Variants in JAK2 observed in about 807,000 individuals in gnomAD.
The protein encoded by JAK2 is tyrosine-protein kinase JAK2.
JAK2 carries 86 observed loss-of-function variants against 139.3 expected under a neutral mutation model. The observed-to-expected ratio is 0.62, with a 90% CI of 0.52 to 0.74. The LOEUF (loss-of-function observed/expected upper bound fraction) is 0.74. JAK2 is among the 30% of genes least tolerant of loss of function. The pLI, the probability that JAK2 is intolerant of heterozygous loss-of-function variation, is 0.00. For missense variants in JAK2, 1,421 were observed against 1,360.3 expected, an observed-to-expected ratio of 1.04 and a Z score of -0.70; for synonymous variants, 490 against 437.7, an observed-to-expected ratio of 1.12 and a Z score of -1.49.
Position 4,985,452 on chromosome 9 carries a change from T to G in JAK2, c.-287T>G, listed in dbSNP as rs1819891869. The G allele has an allele frequency of 1.3e-5, 2 of 152,446 alleles. No individual in the cohort carries two copies. The highest frequency in any genetic ancestry group is 4.8e-5 in the African/African-American group (2 of 41,452). 9.4% of individuals were successfully genotyped at this position (152,446 alleles called of 1,614,324 possible). A position where few individuals can be genotyped will look rare whatever the true frequency, so the allele number is the denominator to read the frequency against. ...TGCTGCGGCGCAGGGAGAGGCCTGG[T>G]CCTCGCTGCCGAGGGATGTGAGTGG... On this transcript the variant is annotated 5_prime_UTR_variant, in exon 1 of 25. Transcript: ENST00000381652.
At chr9:5,071,945 T>C (rs1818976347) in intron 12 of JAK2, among the ~76,000 whole-genome samples, 1 of 152,218 alleles carries the variant, frequency 6.6e-6, no homozygotes, top group African/African-American at 2.4e-5. Context: ...ACATTTACTA[T>C]GTGTCATGGA....
In JAK2 at chr9:5,070,550, T is replaced by A. The variant is rs112008532; in HGVS notation, c.1641+498T>A. Among the ~76,000 whole-genome samples the A allele has an allele frequency of 2.1e-3, 324 of 152,202 alleles. 2 individuals carry two copies. The highest frequency in any genetic ancestry group is 7.2e-3 in the African/African-American group (299 of 41,554). ...GGTTTTGCATCCTATGAACACTGTA[T>A]TTCTTTTTTTAAATAACTAATTATT... is the stretch of plus-strand genomic sequence containing the variant. On this transcript the variant is annotated intron_variant, in intron 12 of 24. Transcript: ENST00000381652.
intron 2 of JAK2, among the ~76,000 whole-genome samples, chr9:4,990,863 A>G (rs746196660): frequency 3.5e-4 from 53 of 152,202 alleles, no homozygotes; most frequent in Non-Finnish European, 4.9e-4. Context: ...TTGGGTGATC[A>G]GTGGAGACTT....
At position 5,066,739 on chromosome 9, in the gene JAK2, C is replaced by A; in HGVS notation, c.1276C>A (p.Arg426=). Residue 426 remains arginine (R), a synonymous_variant, in exon 10 of 25, where the codon CGA becomes AGA. Transcript: ENST00000381652. ...AGNQTGLYVL[R]CSPKDFNKYF... ...TAATCAGACTGGACTGTATGTACTTCGATGCAGTCCTAAGGACTTTAATAA... is the reference window on the plus strand; with the variant it reads ...TAATCAGACTGGACTGTATGTACTTAGATGCAGTCCTAAGGACTTTAATAA... The A allele has an allele frequency of 1.2e-6, 2 of 1,604,832 alleles. No homozygotes were observed. The highest frequency in any genetic ancestry group is 1.7e-6 in the Non-Finnish European group (2 of 1,175,736).
At chr9:5,045,349 C>T (rs1401978455) in intron 5 of JAK2, among the ~76,000 whole-genome samples, 1 of 151,986 alleles carries the variant, frequency 6.6e-6, no homozygotes, top group Non-Finnish European at 1.5e-5. Context: ...TTATGAACAA[C>T]AAAAGGAAAA....
chr9:5,122,997 T>G lies in JAK2; in HGVS notation c.3060-7T>G. 1 of 1,580,844 alleles carries G rather than the reference T, an allele frequency of 6.3e-7. No homozygotes were observed. The highest frequency in any genetic ancestry group is 8.7e-7 in the Non-Finnish European group (1 of 1,154,822). On this transcript the variant is annotated splice_polypyrimidine_tract_variant and splice_region_variant and intron_variant, in intron 22 of 24. Transcript: ENST00000381652. ...CTGTCTTTTAAATGTTATTCATATA[T>G]TTACAGGTATGCTCCAGAATCACTG...
chr9:5,004,827 C>T (rs1025265670), intron 2 of JAK2, among the ~76,000 whole-genome samples: 4 of 151,766 alleles, frequency 2.6e-5, no homozygotes, highest in Non-Finnish European at 4.4e-5. Flanking sequence ...CTCATTGTAA[C>T]AGGCATGAGG....
rs1824134330 is a variant in JAK2 at position 5,128,250 on chromosome 9, A to G, written c.*1459A>G. The stretch of plus-strand genomic sequence containing the variant: ...GACTTCTGATTTTGGGTTGAAGGGA[A>G]GGAAAAGGAAGAAATGTTTTTTACA... On this transcript the variant is annotated 3_prime_UTR_variant, in exon 25 of 25. Transcript: ENST00000381652. 1 of 230,678 alleles carries G rather than the reference A, an allele frequency of 4.3e-6. No individual in the cohort carries two copies. Among genetic ancestry groups the G allele is most frequent in the East Asian group, 6.1e-5 (1 of 16,398 alleles). The allele number at this position is 230,678 out of a possible 1,614,324, so 14.3% of individuals were successfully genotyped here.
intron 2 of JAK2, among the ~76,000 whole-genome samples, chr9:5,018,249 CTG>C (rs1448908177): frequency 6.6e-6 from 1 of 152,016 alleles, no homozygotes; most frequent in East Asian, 1.9e-4. Context: ...CCTTTCTTGT[CTG>C]TGTGTGTTTG....
At chr9:5,028,904 A>G (rs1822958474) in intron 3 of JAK2, among the ~76,000 whole-genome samples, 1 of 152,160 alleles carries the variant, frequency 6.6e-6, no homozygotes, top group Non-Finnish European at 1.5e-5. Context: ...AGACCACTCA[A>G]ACTTTTGTCA....
chr9:5,046,580 C>T (rs191390446), intron 5 of JAK2, among the ~76,000 whole-genome samples: 4 of 152,246 alleles, frequency 2.6e-5, no homozygotes, highest in South Asian at 2.1e-4. Context: ...TTTTGTCTAT[C>T]GTGAAGGTAA....
chr9:4,994,006 C>T (rs1227453217), intron 2 of JAK2, among the ~76,000 whole-genome samples: 1 of 152,146 alleles, frequency 6.6e-6, no homozygotes, highest in African/African-American at 2.4e-5. Context: ...GGTTGGTTCC[C>T]ACCTTGTGCC....
intron 22 of JAK2, among the ~76,000 whole-genome samples, chr9:5,120,039 G>C (rs1273412898): frequency 6.6e-6 from 1 of 152,096 alleles, no homozygotes; most frequent in Non-Finnish European, 1.5e-5. Flanking sequence ...AATTTATAAA[G>C]AACAGAAATT....
intron 22 of JAK2, chr9:5,112,546 G>T: frequency 1.7e-6 from 1 of 604,102 alleles, no homozygotes. Flanking sequence ...GGAGAAGCAG[G>T]TGGCCAATAA....
intron 2 of JAK2, among the ~76,000 whole-genome samples, chr9:5,007,063 CT>C (rs1289603180): frequency 6.6e-6 from 1 of 151,770 alleles, no homozygotes; most frequent in Non-Finnish European, 1.5e-5. Context: ...AATTTTAATG[CT>C]TTTAAAAAGC....
chr9:5,112,150 G>A (rs535551627), intron 22 of JAK2: 5 of 297,916 alleles, frequency 1.7e-5, no homozygotes, highest in East Asian at 1.0e-4. Context: ...GGCTAGCAAC[G>A]TGCACACGCT....
chr9:5,109,616 CGCCTTCACCATTA>C (rs1362469154), intron 22 of JAK2: 2 of 152,132 alleles, frequency 1.3e-5, no homozygotes, highest in Non-Finnish European at 2.9e-5. Context: ...CCATCACATG[CGCCTTCACCATTA>C]GCCTCATCCC....
intron 22 of JAK2, chr9:5,099,143 T>A (rs896534650): frequency 2.0e-5 from 3 of 151,944 alleles, no homozygotes; most frequent in Non-Finnish European, 4.4e-5. Context: ...TCATGAACTA[T>A]CCCCTTATTA....
intron 2 of JAK2, among the ~76,000 whole-genome samples, chr9:5,004,033 G>T (rs1270651266): frequency 6.6e-6 from 1 of 152,042 alleles, no homozygotes; most frequent in Non-Finnish European, 1.5e-5. Flanking sequence ...CATAAAAATT[G>T]TATATATGGT....
Sources: allele counts gnomAD v4.1 joint callset (sites outside exome capture counted in the v4.1 genomes callset), GRCh38; gene constraint gnomAD v4.1.1; transcripts MANE v1.5; gene names NCBI Gene and HGNC (gene_info 2026-07-23, HGNC 2026-07-21).